Variants in SMPD4 observed in about 807,000 individuals in gnomAD.
The protein encoded by SMPD4 is neutral sphingomyelinase 3.
A neutral mutation model predicts 97.8 loss-of-function variants in SMPD4; 58 were observed. The ratio of observed to expected loss-of-function variants is 0.59; its 90% CI spans 0.48 to 0.74. The LOEUF is 0.74. Ranked by LOEUF, SMPD4 falls within the 30% of genes least tolerant of loss-of-function variation. The pLI is 0.00. For synonymous variants in SMPD4, 388 were observed against 450.0 expected (o/e 0.86, Z 1.74); for missense variants, 853 against 1,080.5 (o/e 0.79, Z 2.95).
upstream of SMPD4, chr2:130,181,752 C>G: frequency 1.9e-6 from 3 of 1,548,328 alleles, no homozygotes; most frequent in East Asian, 2.4e-5. Context: ...AGGGAGTGGT[C>G]CTTAGCTGAA....
At chr2:130,180,110 C>T (rs1223111348) in intron 1 of SMPD4, among the ~76,000 whole-genome samples, 2 of 151,148 alleles carry the variant, frequency 1.3e-5, no homozygotes, top group East Asian at 3.9e-4. Flanking sequence ...ATTACAGGCG[C>T]CCGCCACCAC....
At chr2:130,177,026 G>T (rs78920529) in intron 1 of SMPD4, among the ~76,000 whole-genome samples, 2 of 136,248 alleles carry the variant, frequency 1.5e-5, no homozygotes, top group Non-Finnish European at 3.2e-5. Context: ...ATGCCCAGGA[G>T]AATATCACAC....
rs779287848 is a variant in SMPD4 at position 130,153,868 on chromosome 2, G to A, written c.1727C>T (p.Ala576Val). ...HTAKSISDQC[A>V]ESPAGHSFLS... is the part of the protein sequence containing the mutation. Reference sequence around the variant, plus strand: ...GAAGGAGTGGCCAGCCGGGCTCTCCGCACACTGGTCGGAGATGGACTTGGC... The same window carrying A: ...GAAGGAGTGGCCAGCCGGGCTCTCCACACACTGGTCGGAGATGGACTTGGC... The change falls in exon 17 of 20, where the codon GCG becomes GTG. Residue 576 changes from alanine to valine, a missense_variant. By Grantham distance (64) the Ala-to-Val change is moderately conservative. This residue lies in a region of SMPD4 where 511 missense variants were observed against 608.1 expected (regional missense o/e 0.84). Transcript: ENST00000680298. The A allele has an allele frequency of 1.9e-5, 31 of 1,613,764 alleles. No homozygotes were observed. The highest frequency in any genetic ancestry group is 6.7e-5 in the African/African-American group (5 of 74,932).
intron 1 of SMPD4, among the ~76,000 whole-genome samples, chr2:130,179,611 T>G (rs1161650223): frequency 1.3e-5 from 2 of 151,660 alleles, no homozygotes; most frequent in Admixed American, 1.3e-4. Context: ...GGTCTCAAAT[T>G]CCTGGCCTCA....
intron 12 of SMPD4, chr2:130,156,895 ACTC>A (rs1481240255): frequency 1.6e-6 from 2 of 1,245,262 alleles, no homozygotes; most frequent in Admixed American, 2.0e-5. Flanking sequence ...AGTCAGCACA[ACTC>A]CTGCACACAC....
chr2:130,158,148 C>A (rs1687016622), intron 11 of SMPD4: 1 of 1,230,376 alleles, frequency 8.1e-7, no homozygotes, highest in Non-Finnish European at 1.0e-6. Context: ...AAAATAAGAA[C>A]CCCATGGCTT....
intron 3 of SMPD4, among the ~76,000 whole-genome samples, chr2:130,174,027 T>C (rs1436863691): frequency 6.7e-6 from 1 of 150,160 alleles, no homozygotes; most frequent in Non-Finnish European, 1.5e-5. Flanking sequence ...ATAAACAAAA[T>C]ACATATTTAT....
chr2:130,171,395 T>C (rs943232051), intron 8 of SMPD4, among the ~76,000 whole-genome samples: 7 of 151,940 alleles, frequency 4.6e-5, no homozygotes, highest in African/African-American at 1.7e-4. Flanking sequence ...CAGTCACCAC[T>C]CCCAGCCTAC....
intron 2 of SMPD4, among the ~76,000 whole-genome samples, chr2:130,175,419 G>A (rs1171745167): frequency 6.6e-6 from 1 of 150,572 alleles, no homozygotes; most frequent in East Asian, 2.0e-4. Context: ...ATGGACCACC[G>A]TGATTACACC....
At chr2:130,160,965 G>A (rs1454196852) in intron 11 of SMPD4, among the ~76,000 whole-genome samples, 18 of 152,214 alleles carry the variant, frequency 1.2e-4, no homozygotes, top group Non-Finnish European at 2.2e-4. Context: ...CACATGCCTC[G>A]TTCTGCCACA....
intron 9 of SMPD4, among the ~76,000 whole-genome samples, chr2:130,165,920 C>T (rs1009032445): frequency 1.3e-5 from 2 of 152,146 alleles, no homozygotes; most frequent in African/African-American, 4.8e-5. Flanking sequence ...AGATTGCATG[C>T]ACAACAACAT....
intron 4 of SMPD4, 78 bp from the exon 5 acceptor site, chr2:130,173,432 C>T: frequency 6.3e-7 from 1 of 1,594,412 alleles, no homozygotes; most frequent in Admixed American, 1.7e-5. Flanking sequence ...GTTTCTTAAT[C>T]TTGAGAAATT....
intron 1 of SMPD4, among the ~76,000 whole-genome samples, chr2:130,177,328 C>T (rs1179044576): frequency 6.6e-6 from 1 of 152,146 alleles, no homozygotes; most frequent in African/African-American, 2.4e-5. Flanking sequence ...GCGAACTATC[C>T]GCCTCAGCCT....
Position 130,152,722 on chromosome 2 carries a change from A to G in SMPD4, c.2317T>C (p.Phe773Leu). Residue 773 changes from phenylalanine to leucine, a missense_variant, in exon 20 of 20, where the codon TTC (phenylalanine) becomes CTC (leucine). Phe to Leu is a conservative substitution (Grantham distance 22). Transcript: ENST00000680298. ...HTRGPRLSLRFLGSYRTLVSL... is the reference protein window; with the variant it reads ...HTRGPRLSLRLLGSYRTLVSL... ...ACCAGCGTCCGGTAACTGCCCAGGAAGCGCAGGCTGAGCCTGGGGCCGCGG... is the reference window on the plus strand; with the variant it reads ...ACCAGCGTCCGGTAACTGCCCAGGAGGCGCAGGCTGAGCCTGGGGCCGCGG... The G allele has an allele frequency of 6.3e-7, 1 of 1,585,526 alleles. No homozygotes were observed.
rs1686337351 is a variant in SMPD4, at chr2:130,152,618, G to A, written c.2421C>T (p.Gly807=). The change falls in exon 20 of 20, where the codon GGC becomes GGT. Residue 807 remains glycine, a synonymous_variant. Coordinates refer to ENST00000680298, the MANE Select transcript of SMPD4 (RefSeq NM_017951.5). ...TCATGGCAGAGGCGTAGAGGACATA[G>A]CCCAGGGTGAGCAGCAGCGTGCATG... is the stretch of plus-strand genomic sequence containing the variant. ...PLPCTLLLTL[G]YVLYASAMTL... is the part of the protein sequence containing the mutation. The A allele has an allele frequency of 1.9e-6, 3 of 1,554,054 alleles. No individual in the cohort carries two copies. The highest frequency in any genetic ancestry group is 2.6e-6 in the Non-Finnish European group (3 of 1,149,364).
rs758370824 is a variant in SMPD4, at chr2:130,155,193, C to T, written c.1356G>A (p.Ala452=). 116 of 1,614,184 alleles carry T rather than the reference C, an allele frequency of 7.2e-5. 1 individual carries two copies. Among genetic ancestry groups the T allele is most frequent in the South Asian group, 3.2e-4 (29 of 91,088 alleles). Reference sequence around the variant, plus strand: ...TGGGGCTGACCAGGTCTGTGCGGAGCGCGCGGTTCAGAAAGCCCACAAACA... The same window carrying T: ...TGGGGCTGACCAGGTCTGTGCGGAGTGCGCGGTTCAGAAAGCCCACAAACA... ...TKLFVGFLNR[A]LRTDLVSPKH... is the part of the protein sequence containing the mutation. The change falls in exon 15 of 20, where the codon GCG becomes GCA. Residue 452 remains alanine (A), a synonymous_variant. Coordinates refer to ENST00000680298, the MANE Select transcript of SMPD4 (RefSeq NM_017951.5).
At chr2:130,176,473 A>C in intron 2 of SMPD4, 81 bp downstream of exon 2, 1 of 1,188,396 alleles carries the variant, frequency 8.4e-7, no homozygotes, top group South Asian at 1.4e-5. Flanking sequence ...AGAGTTCTTC[A>C]AGTCAATGGG....
rs534111999 is a variant in SMPD4 at position 130,156,054 on chromosome 2, G to A, written c.1270C>T (p.Arg424Trp). The A allele has an allele frequency of 1.1e-5, 17 of 1,611,468 alleles. No homozygotes were observed. Among genetic ancestry groups the A allele is most frequent in the Admixed American group, 5.0e-5 (3 of 60,028 alleles). ...GCTCACCATTTCTCCGACACACACC[G>A]GGGCTGGGAGTCGCTGCCCGGAGCC... ...KQAPGSDSQP[R>W]CVSEKWAPFV... The change falls in exon 14 of 20, where the codon CGG becomes TGG. Residue 424 changes from arginine (R) to tryptophan (W), a missense_variant. Physicochemically the swap from Arg to Trp is moderately radical, Grantham distance 101. Coordinates refer to ENST00000680298, the MANE Select transcript of SMPD4 (RefSeq NM_017951.5).
chr2:130,155,063 C>T (rs1558740752), intron 15 of SMPD4, 33 bp downstream of exon 15: 15 of 1,611,448 alleles, frequency 9.3e-6, no homozygotes, highest in South Asian at 2.2e-5. Context: ...GCTGGGTTGA[C>T]GTATACCGGG....
Sources: allele counts gnomAD v4.1 joint callset (sites outside exome capture counted in the v4.1 genomes callset), GRCh38; gene constraint gnomAD v4.1.1; regional missense constraint gnomAD v4.1.1; transcripts MANE v1.5; gene names NCBI Gene and HGNC (gene_info 2026-07-23, HGNC 2026-07-21).